Variants in FNDC3B observed in about 807,000 individuals in gnomAD.
The protein encoded by FNDC3B is fibronectin type III domain-containing protein 3B.
In FNDC3B, 12 loss-of-function variants were observed where a neutral mutation model predicts 151.5. That is an observed-to-expected ratio of 0.08 (90% confidence interval 0.05 to 0.13). The LOEUF (loss-of-function observed/expected upper bound fraction) is 0.13, where lower values mean the gene tolerates loss of function less well. Ranked by LOEUF, FNDC3B falls within the 10% of genes least tolerant of loss-of-function variation. The pLI is 1.00. For synonymous variants in FNDC3B, 528 were observed against 549.0 expected, an observed-to-expected ratio of 0.96 and a Z score of 0.54; for missense variants, 1,214 against 1,505.3, an observed-to-expected ratio of 0.81 and a Z score of 3.20.
intron 6 of FNDC3B, among the ~76,000 whole-genome samples, chr3:172,271,017 G>C (rs1159256860): frequency 6.6e-6 from 1 of 152,146 alleles, no homozygotes; most frequent in Non-Finnish European, 1.5e-5. Context: ...ACAAATGAAG[G>C]CCTTTCCTAT....
chr3:172,267,970 G>A (rs1466887503), intron 6 of FNDC3B, among the ~76,000 whole-genome samples: 7 of 152,188 alleles, frequency 4.6e-5, no homozygotes, highest in Admixed American at 1.3e-4. Flanking sequence ...GGACCCTGAG[G>A]TGTCATATGC....
At chr3:172,317,846 A>G (rs1325756542) in intron 11 of FNDC3B, among the ~76,000 whole-genome samples, 1 of 152,224 alleles carries the variant, frequency 6.6e-6, no homozygotes, top group Non-Finnish European at 1.5e-5. Context: ...ATAAAAACTG[A>G]TGTTAGTGCT....
chr3:172,051,671 G>A (rs2108459217), intron 1 of FNDC3B, among the ~76,000 whole-genome samples: 1 of 152,234 alleles, frequency 6.6e-6, no homozygotes, highest in African/African-American at 2.4e-5. Flanking sequence ...ACTGTCTTTG[G>A]AACATGGCCT....
At chr3:172,046,162 A>C (rs1267534877) in intron 1 of FNDC3B, among the ~76,000 whole-genome samples, 1 of 152,148 alleles carries the variant, frequency 6.6e-6, no homozygotes, top group Non-Finnish European at 1.5e-5. Context: ...AGCCATCTAC[A>C]TACAGATGAG....
chr3:172,362,915 C>T, intron 23 of FNDC3B, 70 bp downstream of exon 23: 1 of 1,245,264 alleles, frequency 8.0e-7, no homozygotes, highest in Non-Finnish European at 1.1e-6. Context: ...CTCAATTGTA[C>T]ATTTTTATTT....
At chr3:172,359,841 T>A (rs980446355) in intron 22 of FNDC3B, among the ~76,000 whole-genome samples, 1 of 152,194 alleles carries the variant, frequency 6.6e-6, no homozygotes, top group African/African-American at 2.4e-5. Flanking sequence ...CTGGGAAAAG[T>A]AAGGCCCTTT....
At chr3:172,241,552 A>T (rs889725817) in intron 4 of FNDC3B, among the ~76,000 whole-genome samples, 1 of 148,796 alleles carries the variant, frequency 6.7e-6, no homozygotes, top group Non-Finnish European at 1.5e-5. Flanking sequence ...CACATCTTAC[A>T]TGGATGGCAG....
intron 6 of FNDC3B, among the ~76,000 whole-genome samples, chr3:172,255,645 C>T (rs906781349): frequency 2.6e-5 from 4 of 152,022 alleles, no homozygotes; most frequent in African/African-American, 9.7e-5. Context: ...GTCTCCAACT[C>T]CTGGCCTCAG....
intron 23 of FNDC3B, among the ~76,000 whole-genome samples, chr3:172,366,927 C>G (rs77689669): frequency 0.048 from 7,305 of 152,178 alleles, 585 homozygotes; most frequent in African/African-American, 0.17. Flanking sequence ...AAGTAACTGT[C>G]TCTATTTTGT....
intron 1 of FNDC3B, among the ~76,000 whole-genome samples, chr3:172,062,588 T>C (rs1227174051): frequency 6.6e-6 from 1 of 152,204 alleles, no homozygotes; most frequent in East Asian, 1.9e-4. Context: ...CTGGCCACTT[T>C]TCTCCTTCTT....
chr3:172,230,783 C>G (rs374445933), intron 4 of FNDC3B, among the ~76,000 whole-genome samples: 1 of 152,114 alleles, frequency 6.6e-6, no homozygotes, highest in African/African-American at 2.4e-5. Flanking sequence ...CCTTAATGTG[C>G]TAGGATTTCT....
intron 21 of FNDC3B, among the ~76,000 whole-genome samples, chr3:172,351,346 G>C (rs560081551): frequency 6.6e-6 from 1 of 152,278 alleles, no homozygotes; most frequent in South Asian, 2.1e-4. Flanking sequence ...AAGTGCAAAG[G>C]CCATGAGGAG....
intron 3 of FNDC3B, among the ~76,000 whole-genome samples, chr3:172,199,351 T>C (rs1725016127): frequency 6.6e-6 from 1 of 151,212 alleles, no homozygotes; most frequent in Non-Finnish European, 1.5e-5. Flanking sequence ...GGCTAATTTT[T>C]TGTATTTTTA....
chr3:172,232,090 A>G (rs1275334631), intron 4 of FNDC3B, among the ~76,000 whole-genome samples: 1 of 152,018 alleles, frequency 6.6e-6, no homozygotes, highest in Non-Finnish European at 1.5e-5. Context: ...AATGTTGGTC[A>G]GGCTGGTCTC....
rs187997265 is a variant in FNDC3B, at chr3:172,171,667, C to T, written c.187+38121C>T. Among the ~76,000 whole-genome samples the T allele has an allele frequency of 2.7e-3, 392 of 146,816 alleles. 1 individual carries two copies. The highest frequency in any genetic ancestry group is 4.6e-3 in the Non-Finnish European group (308 of 67,420). Reference sequence around the variant, plus strand: ...TGACTCTCAGAATTCCAGTTCTTTACAGCTGAGCAAAAACAGCATGGCATA... The same window carrying T: ...TGACTCTCAGAATTCCAGTTCTTTATAGCTGAGCAAAAACAGCATGGCATA... On this transcript the variant is annotated intron_variant, in intron 3 of 25. Transcript: ENST00000415807.
intron 3 of FNDC3B, among the ~76,000 whole-genome samples, chr3:172,173,839 G>A (rs569933858): frequency 6.6e-6 from 1 of 151,826 alleles, no homozygotes; most frequent in South Asian, 2.1e-4. Context: ...TGGGGCGCGG[G>A]GTGGGAAGCC....
At chr3:172,211,138 A>G (rs1302398294) in intron 3 of FNDC3B, among the ~76,000 whole-genome samples, 1 of 152,268 alleles carries the variant, frequency 6.6e-6, no homozygotes, top group East Asian at 1.9e-4. Flanking sequence ...TAATGATTGC[A>G]AAGAGTATAA....
intron 25 of FNDC3B, among the ~76,000 whole-genome samples, chr3:172,391,996 G>A (rs1736035369): frequency 6.7e-6 from 1 of 150,276 alleles, no homozygotes; most frequent in South Asian, 2.1e-4. Flanking sequence ...AAAAAAAAAT[G>A]GCTATTGTTT....
At chr3:172,147,971 T>C (rs1379341157) in intron 3 of FNDC3B, among the ~76,000 whole-genome samples, 1 of 152,154 alleles carries the variant, frequency 6.6e-6, no homozygotes, top group African/African-American at 2.4e-5. Flanking sequence ...TTTTTTTCTT[T>C]TTGAAAAATT....
Sources: gnomAD v4.1 joint callset for allele counts (sites outside exome capture counted in the v4.1 genomes callset) on GRCh38, gnomAD v4.1.1 for gene constraint, MANE v1.5 for transcripts, NCBI Gene and HGNC (gene_info 2026-07-23, HGNC 2026-07-21) for gene names.